PTPRT: variants seen among roughly 807,000 people sequenced by gnomAD.
PTPRT encodes the protein receptor-type tyrosine-protein phosphatase T.
Under a neutral mutation model 176.8 loss-of-function variants are expected in PTPRT, and 56 were observed. The observed-to-expected ratio is 0.32, with a 90% CI of 0.26 to 0.40. The LOEUF is 0.40. Among genes scored for constraint, PTPRT ranks in the 10% least tolerant of loss-of-function variants. PTPRT has a pLI of 1.00. For synonymous variants in PTPRT, 783 were observed against 739.0 expected, an observed-to-expected ratio of 1.06 and a Z score of -0.96; for missense variants, 1,540 against 1,908.2, an observed-to-expected ratio of 0.81 and a Z score of 3.60.
chr20:42,261,788 G>A (rs917914505), intron 13 of PTPRT, among the ~76,000 whole-genome samples: 3 of 152,172 alleles, frequency 2.0e-5, no homozygotes, highest in African/African-American at 7.2e-5. Context: ...ACCAACTCTG[G>A]CCAAATTGAT....
chr20:42,284,793 T>C (rs1021224765), intron 12 of PTPRT, among the ~76,000 whole-genome samples: 5 of 151,844 alleles, frequency 3.3e-5, no homozygotes. Context: ...GTGTCTCTCT[T>C]TAAAACAAAC....
chr20:42,790,928 C>T (rs2077365439), intron 3 of PTPRT, among the ~76,000 whole-genome samples: 1 of 152,178 alleles, frequency 6.6e-6, no homozygotes, highest in African/African-American at 2.4e-5. Context: ...GGAATCAATG[C>T]CTATGTTCCT....
At chr20:42,558,945 T>C (rs902376579) in intron 7 of PTPRT, among the ~76,000 whole-genome samples, 1 of 152,128 alleles carries the variant, frequency 6.6e-6, no homozygotes, top group Non-Finnish European at 1.5e-5. Context: ...GTGACCAAGA[T>C]GGAAGCTTTC....
chr20:42,292,675 T>G (rs1018869442), intron 12 of PTPRT, among the ~76,000 whole-genome samples: 56 of 152,328 alleles, frequency 3.7e-4, no homozygotes, highest in African/African-American at 1.3e-3. Context: ...CTATGCTTTC[T>G]TGGGTTGCAG....
intron 1 of PTPRT, among the ~76,000 whole-genome samples, chr20:43,125,835 G>A (rs1207956107): frequency 1.3e-5 from 2 of 152,158 alleles, no homozygotes; most frequent in Admixed American, 1.3e-4. Flanking sequence ...TGAACTTGCT[G>A]ATTACATTTT....
chr20:42,508,103 T>A (rs2071880416), intron 7 of PTPRT, among the ~76,000 whole-genome samples: 1 of 130,246 alleles, frequency 7.7e-6, no homozygotes, highest in Admixed American at 7.1e-5. Context: ...TAAATGTTTT[T>A]AATAAAATCA....
At chr20:42,267,048 T>C (rs1298818759) in intron 13 of PTPRT, among the ~76,000 whole-genome samples, 1 of 152,234 alleles carries the variant, frequency 6.6e-6, no homozygotes, top group Admixed American at 6.5e-5. Flanking sequence ...CAGATGATTG[T>C]GAACCTAAGA....
At chr20:42,604,891 T>C (rs1057505926) in intron 7 of PTPRT, among the ~76,000 whole-genome samples, 13 of 152,272 alleles carry the variant, frequency 8.5e-5, no homozygotes, top group African/African-American at 3.1e-4. Flanking sequence ...AGGCTTGGTG[T>C]GTGCTGAGAG....
At chr20:42,972,152 C>T (rs1438022991) in intron 1 of PTPRT, among the ~76,000 whole-genome samples, 2 of 143,920 alleles carry the variant, frequency 1.4e-5, no homozygotes, top group Non-Finnish European at 3.1e-5. Flanking sequence ...CCATGCCTCC[C>T]CTCCCCAACC....
chr20:42,296,230 G>A (rs1417783793), intron 12 of PTPRT, among the ~76,000 whole-genome samples: 1 of 152,154 alleles, frequency 6.6e-6, no homozygotes, highest in African/African-American at 2.4e-5. Context: ...AGCAAATCAT[G>A]AGGTCAGGAG....
intron 7 of PTPRT, among the ~76,000 whole-genome samples, chr20:42,485,842 G>A (rs2071456095): frequency 6.6e-6 from 1 of 152,208 alleles, no homozygotes; most frequent in African/African-American, 2.4e-5. Context: ...ATGTACAAGA[G>A]TGTCATTAAA....
At chr20:42,118,281 T>C (rs940515422) in intron 21 of PTPRT, 122 bp downstream of exon 21, 31 of 724,208 alleles carry the variant, frequency 4.3e-5, no homozygotes, top group Non-Finnish European at 1.3e-5. Context: ...ACACCTCCCT[T>C]GTAGGTTGCC....
intron 8 of PTPRT, among the ~76,000 whole-genome samples, chr20:42,465,909 A>C (rs1158268925): frequency 6.6e-6 from 1 of 152,088 alleles, no homozygotes; most frequent in Non-Finnish European, 1.5e-5. Flanking sequence ...TTAACTATTT[A>C]TCCTGATGCT....
At chr20:42,793,295 T>C (rs1477512692) in intron 2 of PTPRT, among the ~76,000 whole-genome samples, 3 of 152,052 alleles carry the variant, frequency 2.0e-5, no homozygotes, top group Non-Finnish European at 2.9e-5. Flanking sequence ...TGATGTATAT[T>C]GTATCCATTA....
At chr20:42,581,999 C>T (rs151239226) in intron 7 of PTPRT, among the ~76,000 whole-genome samples, 10 of 152,316 alleles carry the variant, frequency 6.6e-5, no homozygotes, top group African/African-American at 2.4e-4. Flanking sequence ...AAAAAAGGGG[C>T]TGGAATGCTG....
At position 43,043,419 on chromosome 20, in the gene PTPRT, G is replaced by A. The variant is rs1986713440; in HGVS notation, c.88+146227C>T. On this transcript the variant is annotated intron_variant, in intron 1 of 30. Coordinates refer to ENST00000373187, the MANE Select transcript of PTPRT (RefSeq NM_007050.6). ...AAGAAAAAAAAATAAGCAATAGTTA[G>A]TATTAACAGATTTTATTGTGTGCTA... is the stretch of plus-strand genomic sequence containing the variant. Among the ~76,000 whole-genome samples, 4 of 152,158 alleles carry A rather than the reference G, an allele frequency of 2.6e-5. No homozygotes were observed. In the South Asian group the frequency reaches 8.3e-4, roughly 32 times the overall value.
At chr20:42,927,441 A>C (rs1979559995) in intron 1 of PTPRT, among the ~76,000 whole-genome samples, 1 of 152,194 alleles carries the variant, frequency 6.6e-6, no homozygotes, top group Non-Finnish European at 1.5e-5. Flanking sequence ...GCATGCCCGT[A>C]ATCCAAGCTA....
intron 1 of PTPRT, among the ~76,000 whole-genome samples, chr20:42,937,420 G>A (rs1035255217): frequency 6.6e-6 from 1 of 152,192 alleles, no homozygotes; most frequent in Admixed American, 6.5e-5. Context: ...GTTTACTACT[G>A]CAGTTATGCT....
rs1439753886 is a variant in PTPRT at position 42,075,139 on chromosome 20, T to C, written c.*5740A>G. 2 of 313,856 alleles carry C rather than the reference T, an allele frequency of 6.4e-6. No homozygotes were observed. Among genetic ancestry groups the C allele is most frequent in the Non-Finnish European group, 5.8e-6 (1 of 172,350 alleles). The allele number at this position is 313,856 out of a possible 1,614,324, so 19.4% of individuals were successfully genotyped here. A position where few individuals can be genotyped will look rare whatever the true frequency, so the allele number is the denominator to read the frequency against. On this transcript the variant is annotated 3_prime_UTR_variant, in exon 31 of 31. Coordinates refer to ENST00000373187, the MANE Select transcript of PTPRT (RefSeq NM_007050.6). ...TGGAAAACCTCCAACAGGGAAACTT[T>C]GCATGGGAGGAGTAAACAAATCTGA...
Sources: gnomAD v4.1 joint callset for allele counts (sites outside exome capture counted in the v4.1 genomes callset) on GRCh38, gnomAD v4.1.1 for gene constraint, MANE v1.5 for transcripts, NCBI Gene and HGNC (gene_info 2026-07-23, HGNC 2026-07-21) for gene names.